Variants in PCDH9 observed in about 807,000 individuals in gnomAD.
PCDH9 encodes protocadherin 9.
In PCDH9, 24 loss-of-function variants were observed where a neutral mutation model predicts 70.6. That is an observed-to-expected ratio of 0.34 (90% CI 0.25 to 0.48). The LOEUF (loss-of-function observed/expected upper bound fraction) is 0.48, where lower values mean the gene tolerates loss of function less well. Ranked by LOEUF, PCDH9 falls within the 20% of genes least tolerant of loss-of-function variation. PCDH9 has a pLI of 0.99. For synonymous variants in PCDH9, 562 were observed against 558.5 expected (o/e 1.01, Z -0.09); for missense variants, 1,281 against 1,503.6 (o/e 0.85, Z 2.45).
chr13:67,152,457 T>C (rs749686220), intron 2 of PCDH9, among the ~76,000 whole-genome samples: 1 of 152,210 alleles, frequency 6.6e-6, no homozygotes, highest in Non-Finnish European at 1.5e-5. Context: ...ATTTCTTCAA[T>C]TTTTCAACAA....
intron 4 of PCDH9, among the ~76,000 whole-genome samples, chr13:66,502,775 C>T (rs1244238489): frequency 1.3e-5 from 2 of 152,100 alleles, no homozygotes; most frequent in Non-Finnish European, 2.9e-5. Flanking sequence ...TTATTTGTTT[C>T]GTCAATTAGG....
intron 4 of PCDH9, among the ~76,000 whole-genome samples, chr13:66,498,142 A>T (rs2138551794): frequency 6.8e-6 from 1 of 146,180 alleles, no homozygotes; most frequent in East Asian, 2.1e-4. Context: ...AATTTTATTT[A>T]TTATTATTAT....
At chr13:67,121,460 T>C (rs2086876784) in intron 2 of PCDH9, among the ~76,000 whole-genome samples, 2 of 152,212 alleles carry the variant, frequency 1.3e-5, no homozygotes, top group Non-Finnish European at 2.9e-5. Flanking sequence ...TGTTAACTTT[T>C]AATGTCTTTT....
chr13:67,196,203 A>G (rs1331352806), intron 2 of PCDH9, among the ~76,000 whole-genome samples: 1 of 152,166 alleles, frequency 6.6e-6, no homozygotes, highest in African/African-American at 2.4e-5. Context: ...AATAATCCAC[A>G]AAGAAAGAAT....
chr13:66,622,251 G>A (rs1042372654), intron 4 of PCDH9, among the ~76,000 whole-genome samples: 5 of 152,170 alleles, frequency 3.3e-5, no homozygotes, highest in South Asian at 4.1e-4. Flanking sequence ...GCTCCTGTGC[G>A]GCCGAGGAGC....
At chr13:66,508,249 A>G (rs1225600316) in intron 4 of PCDH9, among the ~76,000 whole-genome samples, 6 of 152,074 alleles carry the variant, frequency 3.9e-5, no homozygotes, top group Non-Finnish European at 7.4e-5. Flanking sequence ...ATTTGTGGGG[A>G]TTAGGGGAGG....
intron 3 of PCDH9, among the ~76,000 whole-genome samples, chr13:66,651,955 C>T (rs1174755306): frequency 6.6e-6 from 1 of 151,962 alleles, no homozygotes; most frequent in Admixed American, 6.6e-5. Flanking sequence ...TGATAAAGTT[C>T]AATACCCTTT....
intron 4 of PCDH9, among the ~76,000 whole-genome samples, chr13:66,489,771 C>A (rs888882361): frequency 6.6e-6 from 1 of 152,114 alleles, no homozygotes; most frequent in Non-Finnish European, 1.5e-5. Context: ...GAAGCCTCAT[C>A]GATGACACAC....
intron 2 of PCDH9, among the ~76,000 whole-genome samples, chr13:67,143,774 A>G (rs718901): frequency 0.23 from 34,328 of 152,030 alleles, 4,731 homozygotes; most frequent in Non-Finnish European, 0.3. Context: ...GAAAGTCTGC[A>G]TACATATAGC....
chr13:66,998,391 T>A (rs2084166885), intron 2 of PCDH9, among the ~76,000 whole-genome samples: 1 of 152,214 alleles, frequency 6.6e-6, no homozygotes, highest in Non-Finnish European at 1.5e-5. Context: ...CTAGTAGTTT[T>A]AAAATATCTG....
intron 3 of PCDH9, among the ~76,000 whole-genome samples, chr13:66,644,792 A>G (rs1350920158): frequency 4.6e-5 from 7 of 152,108 alleles, no homozygotes; most frequent in Non-Finnish European, 8.8e-5. Flanking sequence ...TATAGACTTT[A>G]AAGTTTCTAC....
intron 2 of PCDH9, chr13:67,204,112 A>G (rs2089282721): frequency 6.6e-6 from 1 of 152,066 alleles, no homozygotes; most frequent in Non-Finnish European, 1.5e-5. Context: ...TTTGCATCTA[A>G]TCTGTTTTTC....
intron 2 of PCDH9, among the ~76,000 whole-genome samples, chr13:67,198,607 T>A (rs2089134451): frequency 6.6e-6 from 1 of 151,848 alleles, no homozygotes; most frequent in African/African-American, 2.4e-5. Flanking sequence ...AAAACACACA[T>A]ACCATAACCT....
intron 3 of PCDH9, among the ~76,000 whole-genome samples, chr13:66,846,423 G>A (rs1046599750): frequency 1.3e-5 from 2 of 152,000 alleles, no homozygotes; most frequent in Admixed American, 1.3e-4. Context: ...CCAACATGTT[G>A]ACCAGATGTT....
intron 3 of PCDH9, among the ~76,000 whole-genome samples, chr13:66,873,452 A>G (rs1024713221): frequency 1.3e-5 from 2 of 152,168 alleles, no homozygotes; most frequent in African/African-American, 4.8e-5. Flanking sequence ...ATTACCAAGG[A>G]CGAGAAGCTC....
intron 4 of PCDH9, among the ~76,000 whole-genome samples, chr13:66,494,621 C>T (rs949587320): frequency 6.6e-6 from 1 of 152,000 alleles, no homozygotes; most frequent in East Asian, 1.9e-4. Flanking sequence ...AACAATTAGA[C>T]CAGAAACCAG....
chr13:66,600,765 C>CGTGTGTGTGTGT (rs10579707), intron 4 of PCDH9, among the ~76,000 whole-genome samples: 14 of 132,940 alleles, frequency 1.1e-4, no homozygotes, highest in African/African-American at 3.2e-4. Flanking sequence ...TAATTAAGAA[C>CGTGTGTGTGTGT]GTGTGTGTGT....
At chr13:66,594,304 GA>G (rs2077075118) in intron 4 of PCDH9, among the ~76,000 whole-genome samples, 3 of 151,512 alleles carry the variant, frequency 2.0e-5, no homozygotes, top group Non-Finnish European at 2.9e-5. Context: ...ATGGCCCTGT[GA>G]AAAATCATCC....
chr13:66,802,738 A>G (rs1594080697), intron 3 of PCDH9, among the ~76,000 whole-genome samples: 1 of 152,144 alleles, frequency 6.6e-6, no homozygotes, highest in Admixed American at 6.6e-5. Flanking sequence ...TTGCAGAACA[A>G]CTGAGAATAA....
Sources: allele counts gnomAD v4.1 joint callset (sites outside exome capture counted in the v4.1 genomes callset), GRCh38; gene constraint gnomAD v4.1.1; transcripts MANE v1.5; gene names NCBI Gene and HGNC (gene_info 2026-07-23, HGNC 2026-07-21).